Variants in CTC1 observed in about 807,000 individuals in gnomAD.
The protein encoded by CTC1 is CST telomere replication complex component 1.
In CTC1, 91 loss-of-function variants were observed where a neutral mutation model predicts 136.3. The ratio of observed to expected loss-of-function variants is 0.67; its 90% CI spans 0.56 to 0.79. The LOEUF is 0.79. Among genes scored for constraint, CTC1 ranks in the 30% least tolerant of loss-of-function variants. CTC1 has a pLI of 0.00. For synonymous variants in CTC1, 606 were observed against 613.8 expected (o/e 0.99, Z 0.19); for missense variants, 1,432 against 1,498.1 (o/e 0.96, Z 0.73).
chr17:8,228,985 C>T, intron 20 of CTC1, 93 bp from the exon 21 acceptor site: 1 of 1,501,278 alleles, frequency 6.7e-7, no homozygotes, highest in Non-Finnish European at 9.1e-7. Context: ...TGTCTGCAGT[C>T]TTTGGCTCAC....
rs1453968142 is a variant in CTC1, at chr17:8,226,265, C to T, written c.*1915G>A. On this transcript the variant is annotated 3_prime_UTR_variant, in exon 23 of 23. Coordinates refer to ENST00000651323, the MANE Select transcript of CTC1 (RefSeq NM_025099.6). ...CCGCTGGGATTCGAACCCAGGATCT[C>T]CTGTTTACTAGACAGGCGCTTTAAC... is the stretch of plus-strand genomic sequence containing the variant. 2.0e-5 allele frequency: 3 copies of T among 152,420 alleles called. 1 individual carries two copies. The highest frequency in any genetic ancestry group is 3.4e-3 in the Middle Eastern group (1 of 294). The allele number at this position is 152,420 out of a possible 1,614,324, so 9.4% of individuals were successfully genotyped here.
rs770766250 is a variant in CTC1, at chr17:8,236,217, A to G, written c.918T>C (p.Arg306=). The change falls in exon 6 of 23, where the codon CGT becomes CGC. Residue 306 remains arginine (R), a synonymous_variant. Transcript: ENST00000651323. ...CACATTCTGGTTTCAGCAGCAACAG[A>G]CGGGAGGACTGACTGGTCATCCAAA... is the stretch of plus-strand genomic sequence containing the variant. ...QHVWMTSQSS[R]LLLLKPECVQ... 7 of 1,614,182 alleles carry G rather than the reference A, an allele frequency of 4.3e-6. No individual in the cohort carries two copies. In the East Asian group the frequency reaches 1.6e-4, roughly 36 times the overall value.
In CTC1 at chr17:8,235,951, G is replaced by A. The variant is rs1397391602; in HGVS notation, c.1086C>T (p.Val362=). The part of the protein sequence containing the change: ...YSRLLSYSGA[V]TGVLNEPAGL... ...CAGCGGGCTCATTCAACACGCCAGTGACTGCTCCCTGCAAACAGGCCGAGG... is the reference window on the plus strand; with the variant it reads ...CAGCGGGCTCATTCAACACGCCAGTAACTGCTCCCTGCAAACAGGCCGAGG... The change falls in exon 7 of 23, where the codon GTC becomes GTT. Residue 362 remains valine, a synonymous_variant. Transcript: ENST00000651323. 1.2e-6 allele frequency: 2 copies of A among 1,605,566 alleles called. No homozygotes were observed. Among genetic ancestry groups the A allele is most frequent in the African/African-American group, 1.3e-5 (1 of 74,760 alleles).
At chr17:8,230,540 C>A in intron 16 of CTC1, 23 bp downstream of exon 16, 1 of 1,613,696 alleles carries the variant, frequency 6.2e-7, no homozygotes, top group South Asian at 1.1e-5. Context: ...TTCATACCTT[C>A]CCCACAAAGG....
At chr17:8,233,206 C>A (rs902204331) in intron 10 of CTC1, 174 bp from the exon 11 acceptor site, 20 of 639,284 alleles carry the variant, frequency 3.1e-5, no homozygotes, top group Non-Finnish European at 4.8e-5. Context: ...AAAACACACA[C>A]GCATTCACAC....
Position 8,225,039 on chromosome 17 carries a change from A to G in CTC1, c.*3141T>C, listed in dbSNP as rs1986521288. ...TTTTTAGTAGAGACGAGGTTTCACT[A>G]TGTTACCAGGTTTCACTATGTTGGC... On this transcript the variant is annotated 3_prime_UTR_variant, in exon 23 of 23. Transcript: ENST00000651323. The G allele has an allele frequency of 1.3e-5, 2 of 152,120 alleles. No individual in the cohort carries two copies. Among genetic ancestry groups the G allele is most frequent in the Admixed American group, 1.3e-4 (2 of 15,270 alleles). 9.4% of individuals were successfully genotyped at this position (152,120 alleles called of 1,614,324 possible).
rs578120516 is a variant in CTC1, at chr17:8,234,838, T to C, written c.1528A>G (p.Thr510Ala). The C allele has an allele frequency of 1.1e-5, 17 of 1,613,430 alleles. No individual in the cohort carries two copies. In the East Asian group the frequency reaches 3.6e-4, roughly 34 times the overall value. Reference sequence around the variant, plus strand: ...CCTGGCGGAGCTAGAAGATCCAGGGTAGGAGCCAGGAGTTGCAGTCCCAGG... The same window carrying C: ...CCTGGCGGAGCTAGAAGATCCAGGGCAGGAGCCAGGAGTTGCAGTCCCAGG... ...PSLGLQLLAPTLDLLAPPGSP... is the reference protein window; with the variant it reads ...PSLGLQLLAPALDLLAPPGSP... The change falls in exon 9 of 23, where the codon ACC (threonine) becomes GCC (alanine). Residue 510 changes from threonine (T) to alanine (A), a missense_variant. Coordinates refer to ENST00000651323, the MANE Select transcript of CTC1 (RefSeq NM_025099.6).
Position 8,238,623 on chromosome 17 carries a change from G to A in CTC1, c.204C>T (p.Val68=), listed in dbSNP as rs767705861. 4.4e-6 allele frequency: 7 copies of A among 1,597,254 alleles called. No homozygotes were observed. The East Asian group carries it at 1.1e-4, about 25-fold the overall frequency. ...GSTLPLSYSF[V]SVQDLKTHQR... ...GGTGAGTCTTGAGGTCCTGTACTGA[G>A]ACGAAGCTGTAGAGTGAAGGGAACA... The change falls in exon 3 of 23, where the codon GTC becomes GTT. Residue 68 remains valine, a synonymous_variant. Transcript: ENST00000651323.
intron 10 of CTC1, 114 bp from the exon 11 acceptor site, chr17:8,233,146 C>T (rs916407570): frequency 1.3e-5 from 16 of 1,208,688 alleles, no homozygotes; most frequent in Non-Finnish European, 1.7e-5. Flanking sequence ...AAAAAAGACA[C>T]GTCTCTGGCT....
At position 8,231,379 on chromosome 17, in the gene CTC1, C is replaced by A; in HGVS notation, c.2566G>T (p.Asp856Tyr). ...CTTTCAAGCTCCAGAGTCCAGTTGT[C>A]CTGGACAGTGAGGCAGGATGCACAG... ...AGCASCLTVQ[D>Y]NWTLELESSQ... Residue 856 changes from aspartate to tyrosine, a missense_variant, in exon 15 of 23, where the codon GAC becomes TAC. Coordinates refer to ENST00000651323, the MANE Select transcript of CTC1 (RefSeq NM_025099.6). 6.2e-7 allele frequency: 1 copy of A among 1,613,678 alleles called. No individual in the cohort carries two copies. The highest frequency in any genetic ancestry group is 8.5e-7 in the Non-Finnish European group (1 of 1,179,650).
rs370674203 is a variant in CTC1, at chr17:8,229,307, G to A, written c.3151C>T (p.Arg1051Trp). 41 of 1,614,020 alleles carry A rather than the reference G, an allele frequency of 2.5e-5. No homozygotes were observed. Among genetic ancestry groups the A allele is most frequent in the African/African-American group, 2.5e-4 (19 of 74,892 alleles). ...WVCAYCTSIC[R>W]QGKCTRLGST... ...CTGTTCCTTCCCTCCCTTACCTGCC[G>A]GCAGATGCTGGTACAATAAGCACAC... Residue 1051 changes from arginine to tryptophan, a missense_variant, in exon 19 of 23, where the codon CGG becomes TGG. Arg to Trp is a moderately radical substitution (Grantham distance 101). Transcript: ENST00000651323.
Position 8,234,321 on chromosome 17 carries a change from C to A in CTC1, c.1818+134G>T. 4.6e-6 allele frequency: 4 copies of A among 871,304 alleles called. No individual in the cohort carries two copies. The South Asian group carries it at 6.0e-5, about 13-fold the overall frequency. The allele number at this position is 871,304 out of a possible 1,614,324, so 54.0% of individuals were successfully genotyped here. A position where few individuals can be genotyped will look rare whatever the true frequency, so the allele number is the denominator to read the frequency against. On this transcript the variant is annotated intron_variant, in intron 10 of 22. Coordinates refer to ENST00000651323, the MANE Select transcript of CTC1 (RefSeq NM_025099.6). ...CAGAGAGAATGAATTGGAGGGCCAA[C>A]AACAGATGAAGTGGTCTGCTTAGAA...
rs1178688253 is a variant in CTC1 at position 8,224,947 on chromosome 17, C to T, written c.*3233G>A. 2 of 152,228 alleles carry T rather than the reference C, an allele frequency of 1.3e-5. No individual in the cohort carries two copies. Among genetic ancestry groups the T allele is most frequent in the Admixed American group, 6.5e-5 (1 of 15,282 alleles). 9.4% of individuals were successfully genotyped at this position (152,228 alleles called of 1,614,324 possible). On this transcript the variant is annotated 3_prime_UTR_variant, in exon 23 of 23. Transcript: ENST00000651323. ...CCCCCTCCAAGGTTGAAGCGATTCT[C>T]TTGCCTCAGCCTCCCAAGTAGCTAG...
At chr17:8,235,426 T>G in intron 7 of CTC1, 141 bp from the exon 8 acceptor site, 1 of 653,370 alleles carries the variant, frequency 1.5e-6, no homozygotes, top group Non-Finnish European at 2.6e-6. Flanking sequence ...GGCCTCACTT[T>G]CCATTACAAC....
Position 8,227,082 on chromosome 17 carries a change from A to C in CTC1, c.*1098T>G, listed in dbSNP as rs1455634527. The C allele has an allele frequency of 3.3e-5, 5 of 150,654 alleles. No homozygotes were observed. Among genetic ancestry groups the C allele is most frequent in the Non-Finnish European group, 7.3e-5 (5 of 68,050 alleles). 9.3% of individuals were successfully genotyped at this position (150,654 alleles called of 1,614,324 possible). A position where few individuals can be genotyped will look rare whatever the true frequency, so the allele number is the denominator to read the frequency against. On this transcript the variant is annotated 3_prime_UTR_variant, in exon 23 of 23. Coordinates refer to ENST00000651323, the MANE Select transcript of CTC1 (RefSeq NM_025099.6). ...AACCGGCCACTAACTTTCCGGGTCT[A>C]CTTCAAATCTTAATATAGGGTATTG...
intron 2 of CTC1, among the ~76,000 whole-genome samples, chr17:8,239,911 C>A (rs73244867): frequency 0.019 from 2,909 of 152,272 alleles, 99 homozygotes; most frequent in African/African-American, 0.066. Flanking sequence ...AAGGCAAAGA[C>A]AGAAACTAAT....
At chr17:8,232,271 T>C (rs367793596) in intron 12 of CTC1, 44 bp from the exon 13 acceptor site, 13 of 1,546,926 alleles carry the variant, frequency 8.4e-6, no homozygotes, top group Non-Finnish European at 1.0e-5. Flanking sequence ...GATGCAGGCA[T>C]TGGGTATTTT....
intron 15 of CTC1, 99 bp from the exon 16 acceptor site, chr17:8,230,750 A>G: frequency 1.0e-6 from 1 of 959,846 alleles, no homozygotes; most frequent in Non-Finnish European, 1.6e-6. Context: ...AGTATCTGCT[A>G]GAACTTCATA....
rs1338628087 is a variant in CTC1, at chr17:8,227,105, T to C, written c.*1075A>G. The C allele has an allele frequency of 6.6e-6, 1 of 150,522 alleles. No individual in the cohort carries two copies. The highest frequency in any genetic ancestry group is 2.5e-5 in the African/African-American group (1 of 39,838). The allele number at this position is 150,522 out of a possible 1,614,324, so 9.3% of individuals were successfully genotyped here. ...CTACTTCAAATCTTAATATAGGGTA[T>C]TGCTACCATAAAAGCAGCATAAATC... is the stretch of plus-strand genomic sequence containing the variant. On this transcript the variant is annotated 3_prime_UTR_variant, in exon 23 of 23. Coordinates refer to ENST00000651323, the MANE Select transcript of CTC1 (RefSeq NM_025099.6).
Sources: allele counts gnomAD v4.1 joint callset (sites outside exome capture counted in the v4.1 genomes callset), GRCh38; gene constraint gnomAD v4.1.1; transcripts MANE v1.5; gene names NCBI Gene and HGNC (gene_info 2026-07-23, HGNC 2026-07-21).